The following PHF20 variants were observed in gnomAD, a reference collection of about 807,000 sequenced individuals.
PHF20 encodes PHD finger protein 20.
A neutral mutation model predicts 113.5 loss-of-function variants in PHF20; 23 were observed. That is an observed-to-expected ratio of 0.20 (90% CI 0.15 to 0.29). The LOEUF is 0.29. Among genes scored for constraint, PHF20 ranks in the 10% least tolerant of loss-of-function variants. PHF20 has a pLI of 1.00. For synonymous variants in PHF20, 434 were observed against 457.3 expected (o/e 0.95, Z 0.65); for missense variants, 943 against 1,219.6 (o/e 0.77, Z 3.38).
At chr20:35,876,605 A>G (rs192133299) in intron 9 of PHF20, among the ~76,000 whole-genome samples, 1 of 152,132 alleles carries the variant, frequency 6.6e-6, no homozygotes, top group Non-Finnish European at 1.5e-5. Context: ...AGACGAATGC[A>G]GTTGTGACTG....
intron 4 of PHF20, among the ~76,000 whole-genome samples, chr20:35,851,519 C>G (rs113883897): frequency 1.3e-5 from 2 of 152,102 alleles, no homozygotes; most frequent in African/African-American, 4.8e-5. Context: ...CCCACACGTG[C>G]AGGTGCTAGC....
At chr20:35,861,829 C>T (rs893733963) in intron 5 of PHF20, among the ~76,000 whole-genome samples, 4 of 151,702 alleles carry the variant, frequency 2.6e-5, no homozygotes, top group African/African-American at 4.8e-5. Context: ...ATTATTTTTC[C>T]CTGTAGAACA....
chr20:35,788,297 C>T (rs1380225427), intron 1 of PHF20, among the ~76,000 whole-genome samples: 15 of 151,356 alleles, frequency 9.9e-5, no homozygotes. Context: ...AGGGTTTCCT[C>T]ATGTTAGCCA....
intron 1 of PHF20, among the ~76,000 whole-genome samples, chr20:35,773,416 C>T (rs1184303735): frequency 6.6e-6 from 1 of 152,180 alleles, no homozygotes. Flanking sequence ...TCCTCTTCCT[C>T]TGGCGAGTGC....
intron 9 of PHF20, among the ~76,000 whole-genome samples, chr20:35,881,524 G>C (rs1429199181): frequency 1.5e-5 from 2 of 137,676 alleles, no homozygotes; most frequent in Admixed American, 7.8e-5. Flanking sequence ...CTGGGCGACA[G>C]AGCAAGACTC....
chr20:35,938,712 T>C lies in PHF20; in HGVS notation c.2316T>C (p.Pro772=). ...KMSILQSREH[P]DLPLWCQPWK... is the part of the protein sequence containing the mutation. ...CTCTCAACAGAAGCCGGGAGCATCC[T>C]GATCTGCCGCTGTGGTGCCAGCCTT... Residue 772 remains proline (P), a synonymous_variant, in exon 16 of 18, where the codon CCT becomes CCC. Transcript: ENST00000374012. 1 of 1,610,116 alleles carries C rather than the reference T, an allele frequency of 6.2e-7. No homozygotes were observed. The highest frequency in any genetic ancestry group is 8.5e-7 in the Non-Finnish European group (1 of 1,178,048).
At chr20:35,831,583 A>G (rs1243561038) in intron 2 of PHF20, among the ~76,000 whole-genome samples, 1 of 151,866 alleles carries the variant, frequency 6.6e-6, no homozygotes, top group African/African-American at 2.4e-5. Flanking sequence ...CCCAACTCCA[A>G]CCTCTTAAGT....
At chr20:35,851,777 T>C (rs2042737331) in intron 4 of PHF20, among the ~76,000 whole-genome samples, 1 of 151,988 alleles carries the variant, frequency 6.6e-6, no homozygotes, top group South Asian at 2.1e-4. Context: ...TAACCTGGCG[T>C]GGTAGCATGT....
intron 15 of PHF20, among the ~76,000 whole-genome samples, chr20:35,933,833 G>T (rs1016955132): frequency 6.6e-6 from 1 of 152,144 alleles, no homozygotes; most frequent in Admixed American, 6.6e-5. Flanking sequence ...GTGCCCGGTC[G>T]GTCTCTTGGC....
chr20:35,809,701 T>C (rs1235980257), intron 2 of PHF20, among the ~76,000 whole-genome samples: 1 of 145,970 alleles, frequency 6.9e-6, no homozygotes, highest in Non-Finnish European at 1.5e-5. Context: ...CTGGACAATA[T>C]AATGAGACCC....
At chr20:35,845,371 G>GTT (rs755496532) in intron 3 of PHF20, 32 of 372,012 alleles carry the variant, frequency 8.6e-5, no homozygotes, top group South Asian at 2.0e-4. Context: ...ATCTTTTTTT[G>GTT]TTTTTTTTTA....
intron 5 of PHF20, among the ~76,000 whole-genome samples, chr20:35,860,919 A>C (rs951131391): frequency 2.0e-5 from 3 of 152,150 alleles, no homozygotes; most frequent in African/African-American, 7.2e-5. Context: ...TAGCACTCAC[A>C]GTGCTTTGGC....
chr20:35,848,421 C>T (rs2042660802), intron 4 of PHF20, among the ~76,000 whole-genome samples: 1 of 152,006 alleles, frequency 6.6e-6, no homozygotes, highest in African/African-American at 2.4e-5. Flanking sequence ...ACGTGCACCA[C>T]GGTCAGCTAA....
chr20:35,851,737 A>C (rs2042736301), intron 4 of PHF20, among the ~76,000 whole-genome samples: 1 of 152,054 alleles, frequency 6.6e-6, no homozygotes, highest in Non-Finnish European at 1.5e-5. Flanking sequence ...CAGCATGGTG[A>C]AACCTAGTAT....
chr20:35,927,910 G>A, intron 14 of PHF20, 31 bp downstream of exon 14: 6 of 1,450,414 alleles, frequency 4.1e-6, no homozygotes, highest in Non-Finnish European at 4.9e-6. Flanking sequence ...GGATATAACA[G>A]TATGTAGCCT....
chr20:35,933,004 T>A (rs1280615049), intron 15 of PHF20, among the ~76,000 whole-genome samples: 2 of 152,222 alleles, frequency 1.3e-5, no homozygotes, highest in African/African-American at 4.8e-5. Flanking sequence ...AGTTCATCCG[T>A]GTTATAGCAT....
At chr20:35,896,750 G>A (rs1221149037) in intron 9 of PHF20, among the ~76,000 whole-genome samples, 1 of 141,346 alleles carries the variant, frequency 7.1e-6, no homozygotes, top group East Asian at 2.1e-4. Flanking sequence ...GCAGTGAGCC[G>A]AGATCTCACC....
intron 15 of PHF20, among the ~76,000 whole-genome samples, chr20:35,936,526 TAG>T (rs2055868019): frequency 6.6e-6 from 1 of 152,218 alleles, no homozygotes; most frequent in East Asian, 1.9e-4. Flanking sequence ...CAGCTTTCAG[TAG>T]ATGCTCACAG....
At position 35,927,806 on chromosome 20, in the gene PHF20, T is replaced by C; in HGVS notation, c.2031T>C (p.His677=). 2 of 1,613,712 alleles carry C rather than the reference T, an allele frequency of 1.2e-6. No homozygotes were observed. The highest frequency in any genetic ancestry group is 1.7e-6 in the Non-Finnish European group (2 of 1,179,586). ...GTGAAGAGTGCCAGTGCTGGCAGCA[T>C]GGGGTCTGCATGGGATTACTGGAAG... ...IQCEECQCWQ[H]GVCMGLLEEN... Residue 677 remains histidine, a synonymous_variant, in exon 14 of 18, where the codon CAT becomes CAC. Coordinates refer to ENST00000374012, the MANE Select transcript of PHF20 (RefSeq NM_016436.5).
Sources: allele counts gnomAD v4.1 joint callset (sites outside exome capture counted in the v4.1 genomes callset), GRCh38; gene constraint gnomAD v4.1.1; transcripts MANE v1.5; gene names NCBI Gene and HGNC (gene_info 2026-07-23, HGNC 2026-07-21).